Variants in SAMM50 observed in about 807,000 individuals in gnomAD.
The protein encoded by SAMM50 is SAMM50 sorting and assembly machinery component.
SAMM50 carries 47 observed loss-of-function variants against 66.9 expected under a neutral mutation model. That is an observed-to-expected ratio of 0.70 (90% confidence interval 0.56 to 0.90). The LOEUF is 0.90. Ranked by LOEUF, SAMM50 falls within the 40% of genes least tolerant of loss-of-function variation. SAMM50 has a pLI of 0.00. For missense variants in SAMM50, 535 were observed against 595.3 expected, an observed-to-expected ratio of 0.90 and a Z score of 1.05; for synonymous variants, 191 against 214.1, an observed-to-expected ratio of 0.89 and a Z score of 0.94.
chr22:43,972,842 ACTG>A, intron 5 of SAMM50, 26 bp from the exon 6 acceptor site: 2 of 1,555,558 alleles, frequency 1.3e-6, no homozygotes, highest in Non-Finnish European at 1.7e-6. Context: ...AATGTAGACC[ACTG>A]CTATTTTTTT....
chr22:43,983,766 C>T lies in SAMM50; in HGVS notation c.1008-167C>T, dbSNP rs750008517. 6.6e-5 allele frequency among the ~76,000 whole-genome samples: 10 copies of T among 152,158 alleles called. No individual in the cohort carries two copies. The highest frequency in any genetic ancestry group is 1.2e-4 in the Non-Finnish European group (8 of 68,038). On this transcript the variant is annotated intron_variant, in intron 11 of 14. Transcript: ENST00000350028. The surrounding 1 kb of genome is among the most constrained non-coding windows in gnomAD (Gnocchi z 4.2). The stretch of plus-strand genomic sequence containing the variant: ...ATGTTGAGATTTTTATGAAATTCCC[C>T]TGTAGTGTGCACCCTCTTGGTCTTT...
chr22:43,994,897 T>A (rs1335889660), intron 14 of SAMM50, among the ~76,000 whole-genome samples: 1 of 152,256 alleles, frequency 6.6e-6, no homozygotes, highest in East Asian at 1.9e-4. Context: ...GACAGGCCTT[T>A]ATTAGAATGC....
chr22:43,963,382 C>T lies in SAMM50; in HGVS notation c.118C>T (p.Leu40Phe), dbSNP rs757253689. 2.5e-6 allele frequency: 4 copies of T among 1,607,970 alleles called. No homozygotes were observed. Among genetic ancestry groups the T allele is most frequent in the Non-Finnish European group, 3.4e-6 (4 of 1,176,580 alleles). Residue 40 changes from leucine (L) to phenylalanine (F), a missense_variant, in exon 2 of 15, where the codon CTT becomes TTT. Coordinates refer to ENST00000350028, the MANE Select transcript of SAMM50 (RefSeq NM_015380.5). The part of the protein sequence containing the change: ...EVEPEAKQEI[L>F]ENKDVVVQHV... ...TGAGCCTGAAGCTAAACAGGAAATT[C>T]TTGAAAACAAAGATGTGAGTTTTCT... is the stretch of plus-strand genomic sequence containing the variant.
rs1266250894 is a variant in SAMM50 at position 43,989,269 on chromosome 22, G to A, written c.1222+12G>A. 5 of 1,613,322 alleles carry A rather than the reference G, an allele frequency of 3.1e-6. No homozygotes were observed. The highest frequency in any genetic ancestry group is 1.3e-5 in the African/African-American group (1 of 74,812). On this transcript the variant is annotated intron_variant, in intron 13 of 14. Coordinates refer to ENST00000350028, the MANE Select transcript of SAMM50 (RefSeq NM_015380.5). ...CAACCTCAACTATGGTAAAACTTGC[G>A]CTATTCAAGAAACCATTGTAGTACA...
intron 3 of SAMM50, among the ~76,000 whole-genome samples, chr22:43,967,725 A>G (rs1336688357): frequency 9.1e-6 from 1 of 110,432 alleles, no homozygotes; most frequent in Non-Finnish European, 1.8e-5. Flanking sequence ...TGACAGTTCT[A>G]CAGTGACTCC....
intron 1 of SAMM50, among the ~76,000 whole-genome samples, chr22:43,960,468 C>T (rs2050142180): frequency 1.3e-5 from 2 of 152,170 alleles, no homozygotes; most frequent in Non-Finnish European, 2.9e-5. Context: ...GTGGTTCACG[C>T]CTGTAATCCC....
At chr22:43,966,677 C>T (rs1238565452) in intron 3 of SAMM50, among the ~76,000 whole-genome samples, 2 of 152,206 alleles carry the variant, frequency 1.3e-5, no homozygotes, top group Non-Finnish European at 2.9e-5. Context: ...TCTCTTACAG[C>T]AGTCCATGAG....
At chr22:43,990,613 C>T (rs2050318821) in intron 14 of SAMM50, among the ~76,000 whole-genome samples, 1 of 152,086 alleles carries the variant, frequency 6.6e-6, no homozygotes, top group Admixed American at 6.5e-5. Flanking sequence ...GCGTTCCCAC[C>T]CCCTCCCTCA....
chr22:43,973,755 C>T (rs543639725), intron 7 of SAMM50, among the ~76,000 whole-genome samples: 1 of 152,170 alleles, frequency 6.6e-6, no homozygotes, highest in Non-Finnish European at 1.5e-5. Flanking sequence ...CCTGCCTCAG[C>T]CTCCGTCACC....
chr22:43,980,770 G>T (rs983258527), intron 10 of SAMM50, among the ~76,000 whole-genome samples: 4 of 152,182 alleles, frequency 2.6e-5, no homozygotes, highest in Non-Finnish European at 5.9e-5. Context: ...TCGGCCAGCC[G>T]CCCGAAAACA....
intron 4 of SAMM50, among the ~76,000 whole-genome samples, chr22:43,969,976 T>A (rs1208254043): frequency 3.3e-5 from 5 of 152,124 alleles, no homozygotes; most frequent in Admixed American, 6.5e-5. Context: ...CAGAATTGAA[T>A]GGGGGGTAAT....
At chr22:43,995,979 T>A (rs568577891) in intron 14 of SAMM50, among the ~76,000 whole-genome samples, 81 of 152,194 alleles carry the variant, frequency 5.3e-4, no homozygotes, top group Admixed American at 1.2e-3. Flanking sequence ...CCATCCTCAC[T>A]ACCCACCTTG....
intron 12 of SAMM50, 67 bp from the exon 13 acceptor site, chr22:43,989,044 G>A: frequency 5.2e-6 from 8 of 1,527,512 alleles, no homozygotes; most frequent in Non-Finnish European, 7.1e-6. Context: ...TCTGTAAGTT[G>A]TGGAAAGTTA....
chr22:43,984,405 T>C (rs888210670), intron 12 of SAMM50, among the ~76,000 whole-genome samples: 119 of 140,494 alleles, frequency 8.5e-4, no homozygotes, highest in Middle Eastern at 9.3e-3. Flanking sequence ...CTCCGCCTCC[T>C]GGGTTCAAAT....
chr22:43,956,770 G>T (rs906161559), intron 1 of SAMM50, among the ~76,000 whole-genome samples: 1 of 152,198 alleles, frequency 6.6e-6, no homozygotes, highest in African/African-American at 2.4e-5. Flanking sequence ...CCGTTCCTCT[G>T]TTGCGGGGAG....
chr22:43,962,886 T>A (rs988978635), intron 1 of SAMM50, among the ~76,000 whole-genome samples: 1 of 98,966 alleles, frequency 1.0e-5, no homozygotes, highest in Admixed American at 9.9e-5. Context: ...GGTTAATTTT[T>A]TTTTTTTTTT....
At chr22:43,975,432 G>A (rs2281294) in intron 7 of SAMM50, 87,636 of 152,276 alleles carry the variant, frequency 0.58, 25,876 homozygotes, top group East Asian at 0.83. Context: ...ACCAAACATC[G>A]TTCACTGTTC....
intron 7 of SAMM50, 98 bp downstream of exon 7, chr22:43,973,421 C>T (rs1340401969): frequency 4.1e-6 from 3 of 734,128 alleles, no homozygotes; most frequent in East Asian, 2.7e-5. Context: ...GTGGAAAGCA[C>T]AGGCCCTCTG....
At chr22:43,987,057 A>T (rs1720089697) in intron 12 of SAMM50, 1 of 152,212 alleles carries the variant, frequency 6.6e-6, no homozygotes. Flanking sequence ...CAAGTGTGAT[A>T]TGCCGAGTCT....
Sources: gnomAD v4.1 joint callset for allele counts (sites outside exome capture counted in the v4.1 genomes callset) on GRCh38, gnomAD v4.1.1 for gene constraint, Gnocchi (gnomAD v3.1) non-coding constraint, MANE v1.5 for transcripts, NCBI Gene and HGNC (gene_info 2026-07-23, HGNC 2026-07-21) for gene names.